RRP1B: variants seen among roughly 807,000 people sequenced by gnomAD.
RRP1B encodes the protein ribosomal RNA processing 1B.
RRP1B carries 56 observed loss-of-function variants against 80.2 expected under a neutral mutation model. The ratio of observed to expected loss-of-function variants is 0.70; its 90% CI spans 0.56 to 0.87. The LOEUF (loss-of-function observed/expected upper bound fraction) is 0.87, where lower values mean the gene tolerates loss of function less well. RRP1B is among the 40% of genes least tolerant of loss of function. RRP1B has a pLI of 0.00. For missense variants in RRP1B, 807 were observed against 939.8 expected (o/e 0.86, Z 1.85); for synonymous variants, 351 against 357.6 (o/e 0.98, Z 0.21).
At chr21:43,676,388 A>G in intron 7 of RRP1B, 52 bp downstream of exon 7, 1 of 1,408,132 alleles carries the variant, frequency 7.1e-7, no homozygotes, top group South Asian at 1.2e-5. Context: ...TGCTCATGGG[A>G]GTTACTTGCC....
chr21:43,687,932 C>A lies in RRP1B; in HGVS notation c.1558C>A (p.Leu520Ile), dbSNP rs2083070538. Residue 520 changes from leucine (L) to isoleucine (I), a missense_variant, in exon 13 of 16, where the codon CTC (leucine) becomes ATC (isoleucine). Coordinates refer to ENST00000340648, the MANE Select transcript of RRP1B (RefSeq NM_015056.3). Reference protein sequence around the residue: ...PRGSPTGGAQLLKRKRKLGVV... With the variant: ...PRGSPTGGAQILKRKRKLGVV... The stretch of plus-strand genomic sequence containing the variant: ...AGGGTCCCCGACAGGTGGAGCCCAA[C>A]TCCTAAAAAGGAAGCGGAAACTTGG... 6.2e-7 allele frequency: 1 copy of A among 1,613,290 alleles called. No individual in the cohort carries two copies. Among genetic ancestry groups the A allele is most frequent in the East Asian group, 2.2e-5 (1 of 44,884 alleles).
chr21:43,674,893 CT>C, intron 5 of RRP1B, 140 bp from the exon 6 acceptor site: 1 of 1,245,874 alleles, frequency 8.0e-7, no homozygotes, highest in Non-Finnish European at 1.1e-6. Context: ...TAAGTGATTG[CT>C]TTTTTCCTTG....
At position 43,675,035 on chromosome 21, in the gene RRP1B, C is replaced by G. The variant is rs755929589; in HGVS notation, c.421C>G (p.Arg141Gly). The G allele has an allele frequency of 6.2e-7, 1 of 1,613,744 alleles. No individual in the cohort carries two copies. The highest frequency in any genetic ancestry group is 8.5e-7 in the Non-Finnish European group (1 of 1,179,842). Reference protein sequence around the residue: ...VLKRNGWEESRIKVFLDVLMK... With the variant: ...VLKRNGWEESGIKVFLDVLMK... ...AGAAGCATGCGTTTGGTTCTTTAGC[C>G]GAATCAAGGTTTTCTTGGATGTCCT... The change falls in exon 6 of 16, where the codon CGA becomes GGA. Residue 141 changes from arginine (R) to glycine (G), a missense_variant and splice_region_variant. Physicochemically the swap from Arg to Gly is moderately radical, Grantham distance 125 (BLOSUM62 -2). Coordinates refer to ENST00000340648, the MANE Select transcript of RRP1B (RefSeq NM_015056.3).
In RRP1B at chr21:43,659,695, C is replaced by T. The variant is rs749722321; in HGVS notation, c.31C>T (p.Gln11Ter). 49 of 1,525,482 alleles carry T rather than the reference C, an allele frequency of 3.2e-5. No homozygotes were observed. Among genetic ancestry groups the T allele is most frequent in the Non-Finnish European group, 4.3e-5 (49 of 1,135,812 alleles). 94.5% of individuals were successfully genotyped at this position (1,525,482 alleles called of 1,614,324 possible). ...CCCCGCCATGCAGCCGGCCGAGATC[C>T]AATTTGCCCAGCGGCTGGCGTCCAG... is the stretch of plus-strand genomic sequence containing the variant. The part of the protein sequence containing the change: MAPAMQPAEI[Q>*]FAQRLASSEK... The change falls in exon 1 of 16, where the codon CAA (glutamine) becomes TAA (stop). Residue 11 changes from glutamine to a stop codon, truncating the protein, a stop_gained. Transcript: ENST00000340648. LOFTEE classifies it high-confidence loss of function. The surrounding 1 kb of genome is among the most constrained non-coding windows in gnomAD (Gnocchi z 4.2).
intron 8 of RRP1B, among the ~76,000 whole-genome samples, chr21:43,681,130 A>G (rs1490873451): frequency 6.6e-6 from 1 of 151,990 alleles, no homozygotes; most frequent in Admixed American, 6.6e-5. Context: ...AGTCCCAGCT[A>G]CTTGGGAGGC....
chr21:43,672,189 TG>T, intron 2 of RRP1B, 118 bp from the exon 3 acceptor site: 1 of 770,208 alleles, frequency 1.3e-6, no homozygotes, highest in Non-Finnish European at 2.3e-6. Context: ...TTAGTGGAAG[TG>T]ACAAGAGGGG....
At chr21:43,673,993 A>C (rs2083010813) in intron 4 of RRP1B, 38 bp downstream of exon 4, 3 of 1,436,814 alleles carry the variant, frequency 2.1e-6, no homozygotes, top group Non-Finnish European at 2.9e-6. Context: ...ACTCCTGGGA[A>C]GAAAAGAATG....
In RRP1B at chr21:43,689,379, G is replaced by A. The variant is rs548168700; in HGVS notation, c.1867-909G>A. Among the ~76,000 whole-genome samples, 4 of 152,322 alleles carry A rather than the reference G, an allele frequency of 2.6e-5. No homozygotes were observed. In the East Asian group the frequency reaches 7.7e-4, roughly 29 times the overall value. On this transcript the variant is annotated intron_variant, in intron 13 of 15. Transcript: ENST00000340648. ...GGACCTGGTGAAGCGCTGGTTTGGG[G>A]CTAAGAGTGTCTGCAAGTGGCTAGT...
chr21:43,688,947 G>A (rs1387351249), intron 13 of RRP1B, among the ~76,000 whole-genome samples: 1 of 152,196 alleles, frequency 6.6e-6, no homozygotes, highest in East Asian at 1.9e-4. Flanking sequence ...ACATCACCAT[G>A]CCCAGCTAAT....
At chr21:43,670,675 A>T (rs904986655) in intron 2 of RRP1B, among the ~76,000 whole-genome samples, 1 of 150,994 alleles carries the variant, frequency 6.6e-6, no homozygotes, top group Non-Finnish European at 1.5e-5. Flanking sequence ...GGACCTTATG[A>T]GATTTTTTTT....
At chr21:43,668,034 C>A (rs1356044369) in intron 1 of RRP1B, among the ~76,000 whole-genome samples, 2 of 152,054 alleles carry the variant, frequency 1.3e-5, no homozygotes, top group Non-Finnish European at 2.9e-5. Flanking sequence ...ATGGTGAAAC[C>A]TTGTCTCCAC....
Position 43,690,303 on chromosome 21 carries a change from T to G in RRP1B, c.1882T>G (p.Cys628Gly). Residue 628 changes from cysteine to glycine, a missense_variant, in exon 14 of 16, where the codon TGC becomes GGC. Cys to Gly is a radical substitution (Grantham distance 159). Coordinates refer to ENST00000340648, the MANE Select transcript of RRP1B (RefSeq NM_015056.3). Reference sequence around the variant, plus strand: ...GCTCACGTAGGGAAGCAGTGGGACTTGCAGTTCCCTGAAGAAGCAGAAGCT... The same window carrying G: ...GCTCACGTAGGGAAGCAGTGGGACTGGCAGTTCCCTGAAGAAGCAGAAGCT... ...QPQALGSSGTCSSLKKQKLRA... is the reference protein window; with the variant it reads ...QPQALGSSGTGSSLKKQKLRA... 1 of 1,614,200 alleles carries G rather than the reference T, an allele frequency of 6.2e-7. No individual in the cohort carries two copies. The highest frequency in any genetic ancestry group is 8.5e-7 in the Non-Finnish European group (1 of 1,180,018).
chr21:43,659,592 G>A lies in RRP1B; in HGVS notation c.-73G>A. On this transcript the variant is annotated 5_prime_UTR_variant, in exon 1 of 16. Transcript: ENST00000340648. This position sits in a 1 kb window ranked among gnomAD's most constrained non-coding sequence, Gnocchi z 4.2. ...GTCGCGGCCCGGGCGGACGGTGGCTGGCTGCTCCGCAGCGCTCGGCTGGCT... is the reference window on the plus strand; with the variant it reads ...GTCGCGGCCCGGGCGGACGGTGGCTAGCTGCTCCGCAGCGCTCGGCTGGCT... The A allele has an allele frequency of 1.5e-6, 2 of 1,295,610 alleles. No individual in the cohort carries two copies. Among genetic ancestry groups the A allele is most frequent in the African/African-American group, 1.6e-5 (1 of 64,026 alleles). The allele number at this position is 1,295,610 out of a possible 1,614,324, so 80.3% of individuals were successfully genotyped here. A position where few individuals can be genotyped will look rare whatever the true frequency, so the allele number is the denominator to read the frequency against.
At chr21:43,671,497 A>G (rs2082999258) in intron 2 of RRP1B, among the ~76,000 whole-genome samples, 1 of 151,208 alleles carries the variant, frequency 6.6e-6, no homozygotes, top group Non-Finnish European at 1.5e-5. Flanking sequence ...CCACCCGAGT[A>G]GCTGGGACTA....
At position 43,693,542 on chromosome 21, in the gene RRP1B, C is replaced by A; in HGVS notation, c.*159C>A. The A allele has an allele frequency of 3.2e-6, 2 of 616,286 alleles. No individual in the cohort carries two copies. The highest frequency in any genetic ancestry group is 5.2e-6 in the Non-Finnish European group (2 of 383,956). 38.2% of individuals were successfully genotyped at this position (616,286 alleles called of 1,614,324 possible). ...CGCAGGCTGCTGCGTCCTGGCCCCT[C>A]TGTAGTGGCTGCGGGCGTCTTGGTT... On this transcript the variant is annotated 3_prime_UTR_variant, in exon 16 of 16. Coordinates refer to ENST00000340648, the MANE Select transcript of RRP1B (RefSeq NM_015056.3). The surrounding 1 kb of genome is among the most constrained non-coding windows in gnomAD (Gnocchi z 4.1).
At chr21:43,681,740 C>T (rs553012080) in intron 8 of RRP1B, among the ~76,000 whole-genome samples, 14 of 152,344 alleles carry the variant, frequency 9.2e-5, no homozygotes, top group South Asian at 2.1e-4. Flanking sequence ...TCACTTGAGC[C>T]TAGGAGTTGG....
At chr21:43,684,412 G>A in intron 9 of RRP1B, 141 bp from the exon 10 acceptor site, 1 of 702,112 alleles carries the variant, frequency 1.4e-6, no homozygotes, top group Non-Finnish European at 2.5e-6. Context: ...GCTCCTGGTT[G>A]CCAAGTCCCA....
intron 1 of RRP1B, among the ~76,000 whole-genome samples, chr21:43,665,353 A>G (rs2298561): frequency 0.69 from 104,216 of 151,662 alleles, 36,305 homozygotes; most frequent in East Asian, 0.82. Context: ...CTGGAAAGAT[A>G]CACATCAGAC....
At chr21:43,683,236 A>T (rs1164927722) in intron 8 of RRP1B, 43 bp from the exon 9 acceptor site, 1 of 1,494,980 alleles carries the variant, frequency 6.7e-7, no homozygotes, top group East Asian at 2.3e-5. Context: ...ACTTCTGTGT[A>T]TTTGATATGT....
Sources: gnomAD v4.1 joint callset for allele counts (sites outside exome capture counted in the v4.1 genomes callset) on GRCh38, gnomAD v4.1.1 for gene constraint, Gnocchi (gnomAD v3.1) non-coding constraint, MANE v1.5 for transcripts, NCBI Gene and HGNC (gene_info 2026-07-23, HGNC 2026-07-21) for gene names.